The following WWP2 variants were observed in gnomAD, a reference collection of about 807,000 sequenced individuals.
WWP2 encodes the protein WW domain containing E3 ubiquitin protein ligase 2, also known as NEDD4-like E3 ubiquitin-protein ligase WWP2.
WWP2 carries 57 observed loss-of-function variants against 121.0 expected under a neutral mutation model. The observed-to-expected ratio is 0.47, with a 90% confidence interval of 0.38 to 0.59. The LOEUF (loss-of-function observed/expected upper bound fraction) is 0.59. Ranked by LOEUF, WWP2 falls within the 20% of genes least tolerant of loss-of-function variation. The pLI is 0.00. For synonymous variants in WWP2, 449 were observed against 441.3 expected (o/e 1.02, Z -0.22); for missense variants, 962 against 1,158.9 (o/e 0.83, Z 2.47).
intron 4 of WWP2, among the ~76,000 whole-genome samples, chr16:69,814,706 CAG>C (rs1437394360): frequency 6.6e-6 from 1 of 152,188 alleles, no homozygotes; most frequent in African/African-American, 2.4e-5. Context: ...ATTCCAAGAA[CAG>C]ACAGGCCAGT....
intron 6 of WWP2, among the ~76,000 whole-genome samples, chr16:69,862,775 A>G (rs1457071881): frequency 8.2e-6 from 1 of 121,382 alleles, no homozygotes; most frequent in African/African-American, 3.3e-5. Flanking sequence ...GATAGAGTGT[A>G]GTGGTGTGAG....
chr16:69,931,733 C>G, intron 15 of WWP2, 69 bp from the exon 16 acceptor site: 2 of 1,584,132 alleles, frequency 1.3e-6, no homozygotes, highest in Non-Finnish European at 1.7e-6. Flanking sequence ...TTAGAGTCCC[C>G]TGTCCCTCCC....
chr16:69,826,938 C>CAAA (rs542288952), intron 4 of WWP2, among the ~76,000 whole-genome samples: 58,004 of 84,962 alleles, frequency 0.68, 21,157 homozygotes, highest in Non-Finnish European at 0.79. Flanking sequence ...GACTCCACCT[C>CAAA]AAAAAAAAAA....
At chr16:69,861,940 C>T (rs1024620836) in intron 6 of WWP2, among the ~76,000 whole-genome samples, 1 of 152,058 alleles carries the variant, frequency 6.6e-6, no homozygotes, top group Non-Finnish European at 1.5e-5. Flanking sequence ...GTGGGGAGCC[C>T]TCTTGGTTCT....
intron 6 of WWP2, among the ~76,000 whole-genome samples, chr16:69,848,265 A>G (rs2057123830): frequency 6.6e-6 from 1 of 152,130 alleles, no homozygotes; most frequent in African/African-American, 2.4e-5. Context: ...AGCCTGACCA[A>G]CATGGAGAAA....
At chr16:69,778,205 T>TG (rs2055582652) in intron 1 of WWP2, among the ~76,000 whole-genome samples, 1 of 146,524 alleles carries the variant, frequency 6.8e-6, no homozygotes, top group African/African-American at 2.5e-5. Flanking sequence ...TTTTTTTTTT[T>TG]GAGAAATTTC....
chr16:69,785,248 A>G (rs926201738), intron 1 of WWP2, among the ~76,000 whole-genome samples: 1 of 151,854 alleles, frequency 6.6e-6, no homozygotes, highest in Non-Finnish European at 1.5e-5. Flanking sequence ...AAAAAAGACA[A>G]AAGACAAGGT....
chr16:69,908,945 T>C, intron 9 of WWP2, 95 bp downstream of exon 9: 3 of 1,588,796 alleles, frequency 1.9e-6, no homozygotes, highest in South Asian at 2.3e-5. Context: ...GGAGGTAGCA[T>C]AGCACAGTGA....
intron 9 of WWP2, among the ~76,000 whole-genome samples, chr16:69,913,474 C>A (rs1345374573): frequency 6.6e-6 from 1 of 151,878 alleles, no homozygotes; most frequent in African/African-American, 2.4e-5. Flanking sequence ...TGCGCTCCAG[C>A]CTGGGTGACA....
At chr16:69,843,447 A>G (rs1199724882) in intron 6 of WWP2, among the ~76,000 whole-genome samples, 1 of 152,114 alleles carries the variant, frequency 6.6e-6, no homozygotes, top group Non-Finnish European at 1.5e-5. Context: ...TGTTTATTGC[A>G]ATGTGCAAAA....
Position 69,847,194 on chromosome 16 carries a change from C to T in WWP2, c.575+5074C>T, listed in dbSNP as rs1005947621. Among the ~76,000 whole-genome samples, 4 of 152,142 alleles carry T rather than the reference C, an allele frequency of 2.6e-5. No individual in the cohort carries two copies. In the South Asian group the frequency reaches 8.3e-4, roughly 31 times the overall value. ...CTGCCTCCCAGGTTCAAGCAATTCT[C>T]CTGTCTCATCCTCCAGAGTAGCTGG... is the stretch of plus-strand genomic sequence containing the variant. On this transcript the variant is annotated intron_variant, in intron 6 of 23. Transcript: ENST00000359154.
chr16:69,829,156 T>G (rs947827306), intron 4 of WWP2, among the ~76,000 whole-genome samples: 3 of 152,194 alleles, frequency 2.0e-5, no homozygotes, highest in African/African-American at 7.2e-5. Flanking sequence ...GATTTTTACT[T>G]TTGCAAGTCT....
chr16:69,814,511 G>C (rs2056452840), intron 4 of WWP2, among the ~76,000 whole-genome samples: 1 of 152,098 alleles, frequency 6.6e-6, no homozygotes, highest in Non-Finnish European at 1.5e-5. Flanking sequence ...GAGAATTCCT[G>C]TACCCACACC....
chr16:69,881,420 A>C (rs187435556), intron 7 of WWP2, among the ~76,000 whole-genome samples: 34 of 152,224 alleles, frequency 2.2e-4, no homozygotes, highest in Non-Finnish European at 4.1e-4. Context: ...AATAAAAGTA[A>C]ACTTGCTAAA....
At chr16:69,821,404 C>G (rs1359960583) in intron 4 of WWP2, among the ~76,000 whole-genome samples, 2 of 152,184 alleles carry the variant, frequency 1.3e-5, no homozygotes, top group African/African-American at 4.8e-5. Flanking sequence ...TCCAACAATC[C>G]TGCACCCTGT....
intron 1 of WWP2, among the ~76,000 whole-genome samples, chr16:69,783,890 G>C (rs1289241072): frequency 6.6e-6 from 1 of 152,026 alleles, no homozygotes; most frequent in Non-Finnish European, 1.5e-5. Flanking sequence ...AGGAGTTCAA[G>C]GCTGCACTGA....
Position 69,940,180 on chromosome 16 carries a change from G to C in WWP2, c.*240G>C. Reference sequence around the variant, plus strand: ...TTGCCTTTGGCCCCACCTTTGCAAAGTTCCAGAGGGCTGACCCTCTCTGCA... The same window carrying C: ...TTGCCTTTGGCCCCACCTTTGCAAACTTCCAGAGGGCTGACCCTCTCTGCA... On this transcript the variant is annotated 3_prime_UTR_variant, in exon 24 of 24. Coordinates refer to ENST00000359154, the MANE Select transcript of WWP2 (RefSeq NM_001270454.2). The C allele has an allele frequency of 1.8e-6, 1 of 555,222 alleles. No homozygotes were observed. Among genetic ancestry groups the C allele is most frequent in the South Asian group, 2.3e-5 (1 of 42,762 alleles). 34.4% of individuals were successfully genotyped at this position (555,222 alleles called of 1,614,324 possible).
chr16:69,770,123 AAGTGCTG>A (rs2055385818), intron 1 of WWP2, among the ~76,000 whole-genome samples: 1 of 152,000 alleles, frequency 6.6e-6, no homozygotes, highest in Non-Finnish European at 1.5e-5. Context: ...TGGCCTCCCA[AAGTGCTG>A]AGATTACAGG....
chr16:69,897,532 A>G (rs1245259901), intron 8 of WWP2, among the ~76,000 whole-genome samples: 1 of 152,222 alleles, frequency 6.6e-6, no homozygotes, highest in African/African-American at 2.4e-5. Context: ...AACTTGGGAC[A>G]TGCATTTAAA....
Sources: allele counts gnomAD v4.1 joint callset (sites outside exome capture counted in the v4.1 genomes callset), GRCh38; gene constraint gnomAD v4.1.1; transcripts MANE v1.5; gene names NCBI Gene and HGNC (gene_info 2026-07-23, HGNC 2026-07-21).